The following MDGA2 variants were observed in gnomAD, a reference collection of about 807,000 sequenced individuals.
The protein encoded by MDGA2 is MAM domain-containing glycosylphosphatidylinositol anchor protein 2.
MDGA2 carries 40 observed loss-of-function variants against 117.8 expected under a neutral mutation model. That is an observed-to-expected ratio of 0.34 (90% CI 0.26 to 0.44). MDGA2 has a LOEUF of 0.44. Among genes scored for constraint, MDGA2 ranks in the 20% least tolerant of loss-of-function variants. The pLI is 1.00. For missense variants in MDGA2, 1,123 were observed against 1,250.6 expected (o/e 0.90, Z 1.54); for synonymous variants, 452 against 439.0 (o/e 1.03, Z -0.37).
In MDGA2 at chr14:46,882,208, C is replaced by G; in HGVS notation, c.2252G>C (p.Arg751Pro). The G allele has an allele frequency of 6.2e-7, 1 of 1,608,744 alleles. No individual in the cohort carries two copies. The highest frequency in any genetic ancestry group is 8.5e-7 in the Non-Finnish European group (1 of 1,177,296). ...RLGIRQAGQQ[R>P]WWEQEIKING... ...TATTTTAATCTCCTGCTCCCACCAG[C>G]GCTGCTGTCCAGCCTGAAATCAAAA... The change falls in exon 11 of 17, where the codon CGC becomes CCC. Residue 751 changes from arginine to proline, a missense_variant. By Grantham distance (103) the Arg-to-Pro change is moderately radical (BLOSUM62 -2). Transcript: ENST00000399232.
chr14:46,926,714 C>T (rs1884346363), intron 9 of MDGA2, among the ~76,000 whole-genome samples: 1 of 151,946 alleles, frequency 6.6e-6, no homozygotes, highest in African/African-American at 2.4e-5. Flanking sequence ...AAAAATGTTG[C>T]TACAGAAACA....
At chr14:47,568,976 C>G (rs1380483306) in intron 1 of MDGA2, among the ~76,000 whole-genome samples, 1 of 151,128 alleles carries the variant, frequency 6.6e-6, no homozygotes, top group Non-Finnish European at 1.5e-5. Flanking sequence ...AACAGAGTCT[C>G]AGTATGTTGC....
chr14:47,151,921 T>C (rs1398090818), intron 3 of MDGA2, among the ~76,000 whole-genome samples: 2 of 152,094 alleles, frequency 1.3e-5, no homozygotes, highest in African/African-American at 2.4e-5. Context: ...GATTAATCTG[T>C]CATGAATATA....
intron 2 of MDGA2, among the ~76,000 whole-genome samples, chr14:47,297,611 G>A (rs1230321703): frequency 6.6e-6 from 1 of 152,130 alleles, no homozygotes; most frequent in Admixed American, 6.5e-5. Context: ...TAGATTGTTA[G>A]ATTTACTGGC....
intron 10 of MDGA2, among the ~76,000 whole-genome samples, chr14:46,918,616 T>C (rs746426668): frequency 2.4e-4 from 37 of 152,136 alleles, no homozygotes; most frequent in African/African-American, 8.7e-4. Context: ...TGATCCACTA[T>C]GGTCTGCTGT....
In MDGA2 at chr14:46,841,284, A is replaced by G. The variant is rs765602268; in HGVS notation, c.*647T>C. ...GTGCATGCAAAAAGAGACAGCATAC[A>G]GTTATCTAGCTTAGCCATGGGAGAA... On this transcript the variant is annotated 3_prime_UTR_variant, in exon 17 of 17. Coordinates refer to ENST00000399232, the MANE Select transcript of MDGA2 (RefSeq NM_001113498.3). The G allele has an allele frequency of 5.9e-5, 9 of 152,564 alleles. No individual in the cohort carries two copies. Among genetic ancestry groups the G allele is most frequent in the African/African-American group, 1.9e-4 (8 of 41,432 alleles). 9.5% of individuals were successfully genotyped at this position (152,564 alleles called of 1,614,324 possible). A position where few individuals can be genotyped will look rare whatever the true frequency, so the allele number is the denominator to read the frequency against.
chr14:46,988,022 G>T (rs1886930774), intron 8 of MDGA2, among the ~76,000 whole-genome samples: 1 of 151,540 alleles, frequency 6.6e-6, no homozygotes, highest in African/African-American at 2.4e-5. Flanking sequence ...ATGGTGAAAG[G>T]AAAAATGAGT....
intron 5 of MDGA2, among the ~76,000 whole-genome samples, chr14:47,116,308 A>G (rs1354627918): frequency 2.0e-5 from 3 of 152,160 alleles, no homozygotes; most frequent in African/African-American, 7.2e-5. Context: ...GGATTGGAAG[A>G]CTTAATATTG....
In MDGA2 at chr14:46,949,821, G is replaced by A. The variant is rs1045929502; in HGVS notation, c.2089+7553C>T. Among the ~76,000 whole-genome samples the A allele has an allele frequency of 4.0e-5, 6 of 151,858 alleles. No individual in the cohort carries two copies. The East Asian group carries it at 7.7e-4, about 20-fold the overall frequency. ...TAGTGCTGCAATAAACATAGGAGTT[G>A]AGGTGTCTTTTTTATATAATTATTT... On this transcript the variant is annotated intron_variant, in intron 9 of 16. Coordinates refer to ENST00000399232, the MANE Select transcript of MDGA2 (RefSeq NM_001113498.3).
intron 3 of MDGA2, among the ~76,000 whole-genome samples, chr14:47,187,134 C>G (rs1884940433): frequency 6.6e-6 from 1 of 151,688 alleles, no homozygotes; most frequent in Admixed American, 6.6e-5. Flanking sequence ...GGCACAACTA[C>G]ATCTATCAAT....
intron 2 of MDGA2, 115 bp from the exon 3 acceptor site, chr14:47,218,310 T>A: frequency 1.1e-6 from 1 of 875,760 alleles, no homozygotes; most frequent in Admixed American, 3.4e-5. Context: ...GCCTCTCCCA[T>A]CAAATTATTG....
intron 1 of MDGA2, among the ~76,000 whole-genome samples, chr14:47,559,859 C>T (rs55694056): frequency 0.036 from 5,541 of 152,182 alleles, 346 homozygotes; most frequent in African/African-American, 0.13. Flanking sequence ...AGGCATGAGC[C>T]ACCATGCCCA....
At chr14:47,343,852 A>G (rs977773402) in intron 1 of MDGA2, among the ~76,000 whole-genome samples, 8 of 152,172 alleles carry the variant, frequency 5.3e-5, no homozygotes, top group African/African-American at 1.9e-4. Context: ...TTAAGGTAAT[A>G]TGCATTAATT....
chr14:46,895,311 C>T (rs771199740), intron 10 of MDGA2, among the ~76,000 whole-genome samples: 1 of 152,186 alleles, frequency 6.6e-6, no homozygotes, highest in Non-Finnish European at 1.5e-5. Context: ...TTGCTAGGCA[C>T]TTTTCTCCTT....
chr14:46,968,677 C>CAAA (rs34010287), intron 8 of MDGA2, among the ~76,000 whole-genome samples: 14,642 of 147,516 alleles, frequency 0.099, 1,292 homozygotes, highest in African/African-American at 0.21. Context: ...ACTAAAAATA[C>CAAA]AAAAAAAAAA....
At chr14:47,562,314 T>C (rs1490142768) in intron 1 of MDGA2, among the ~76,000 whole-genome samples, 1 of 152,246 alleles carries the variant, frequency 6.6e-6, no homozygotes, top group African/African-American at 2.4e-5. Context: ...TACTAGATCT[T>C]CTTGATACAG....
At chr14:47,136,522 A>T (rs1882466315) in intron 4 of MDGA2, among the ~76,000 whole-genome samples, 1 of 152,086 alleles carries the variant, frequency 6.6e-6, no homozygotes, top group Non-Finnish European at 1.5e-5. Context: ...TCAACCTAAA[A>T]GCTCTTACTT....
chr14:47,374,553 T>G (rs1891433865), intron 1 of MDGA2, among the ~76,000 whole-genome samples: 1 of 152,120 alleles, frequency 6.6e-6, no homozygotes, highest in Admixed American at 6.6e-5. Flanking sequence ...ATGAATATCT[T>G]TTTTTCAGTA....
chr14:46,999,904 T>G (rs1035294609), intron 8 of MDGA2, among the ~76,000 whole-genome samples: 3 of 152,074 alleles, frequency 2.0e-5, no homozygotes, highest in South Asian at 2.1e-4. Context: ...TCTAAGGGGT[T>G]GGCTTTCACA....
Sources: gnomAD v4.1 joint callset for allele counts (sites outside exome capture counted in the v4.1 genomes callset) on GRCh38, gnomAD v4.1.1 for gene constraint, MANE v1.5 for transcripts, NCBI Gene and HGNC (gene_info 2026-07-23, HGNC 2026-07-21) for gene names.